Variants in EFR3A observed in about 807,000 individuals in gnomAD.
EFR3A encodes the protein EFR3 homolog A.
Under a neutral mutation model 104.4 loss-of-function variants are expected in EFR3A, and 76 were observed. The ratio of observed to expected loss-of-function variants is 0.73; its 90% confidence interval spans 0.60 to 0.88. The LOEUF is 0.88. Ranked by LOEUF, EFR3A falls within the 40% of genes least tolerant of loss-of-function variation. The pLI, the probability that EFR3A is intolerant of heterozygous loss-of-function variation, is 0.00. For missense variants in EFR3A, 985 were observed against 1,012.5 expected (o/e 0.97, Z 0.37); for synonymous variants, 330 against 330.0 (o/e 1.00, Z 0.00).
Position 131,952,545 on chromosome 8 carries a change from C to G in EFR3A, c.489-1273C>G, listed in dbSNP as rs571577156. Among the ~76,000 whole-genome samples the G allele has an allele frequency of 5.9e-5, 9 of 152,242 alleles. No homozygotes were observed. The East Asian group carries it at 1.5e-3, about 26-fold the overall frequency. ...GTTTCATCTTGTTTGTTAATGTGCT[C>G]CATGCCACCTTGTGCTTGGCCTTCT... On this transcript the variant is annotated intron_variant, in intron 5 of 22. Coordinates refer to ENST00000254624, the MANE Select transcript of EFR3A (RefSeq NM_015137.6).
rs538383947 is a variant in EFR3A at position 131,963,714 on chromosome 8, CATT to C, written c.855+4052_855+4054del. On this transcript the variant is annotated intron_variant, in intron 8 of 22. Coordinates refer to ENST00000254624, the MANE Select transcript of EFR3A (RefSeq NM_015137.6). The stretch of plus-strand genomic sequence containing the variant: ...GAAAAAGAGGGAATCCTCCCTAACT[CATT>C]TTATGAGGCCAGCATCATCCTGATA... Among the ~76,000 whole-genome samples, 1,036 of 152,302 alleles carry C rather than the reference CATT, an allele frequency of 6.8e-3. 4 individuals are homozygous for C. The highest frequency in any genetic ancestry group is 0.027 in the Middle Eastern group (8 of 294).
At chr8:131,939,637 TTTGAA>T (rs1181253026) in intron 1 of EFR3A, among the ~76,000 whole-genome samples, 1 of 152,118 alleles carries the variant, frequency 6.6e-6, no homozygotes, top group Non-Finnish European at 1.5e-5. Flanking sequence ...ATGCTAACAA[TTTGAA>T]TTTACTATAT....
intron 22 of EFR3A, among the ~76,000 whole-genome samples, chr8:132,010,444 A>G (rs1178273767): frequency 7.7e-6 from 1 of 129,722 alleles, no homozygotes; most frequent in Non-Finnish European, 1.6e-5. Context: ...ATATATATAT[A>G]TATATAATGA....
intron 19 of EFR3A, among the ~76,000 whole-genome samples, chr8:131,999,291 C>T (rs1193945719): frequency 6.6e-6 from 1 of 152,068 alleles, no homozygotes; most frequent in Non-Finnish European, 1.5e-5. Context: ...TCCCCAAATG[C>T]AACTGGAGAA....
At chr8:131,929,226 C>T (rs1817460121) in intron 1 of EFR3A, among the ~76,000 whole-genome samples, 4 of 152,170 alleles carry the variant, frequency 2.6e-5, no homozygotes, top group African/African-American at 9.7e-5. Context: ...GTCAGTGACA[C>T]TAGCATCCAA....
At chr8:131,927,657 G>A (rs1288585954) in intron 1 of EFR3A, among the ~76,000 whole-genome samples, 1 of 152,016 alleles carries the variant, frequency 6.6e-6, no homozygotes, top group South Asian at 2.1e-4. Context: ...TTTAGCAAGA[G>A]CTTTTTTTAG....
At chr8:131,971,124 T>C (rs1820030803) in intron 10 of EFR3A, among the ~76,000 whole-genome samples, 1 of 152,210 alleles carries the variant, frequency 6.6e-6, no homozygotes, top group Non-Finnish European at 1.5e-5. Context: ...CAGAGTAAAA[T>C]TGTCAACATC....
At position 131,952,455 on chromosome 8, in the gene EFR3A, T is replaced by G. The variant is rs567361279; in HGVS notation, c.489-1363T>G. ...TACCACCAACACTGCCCTTTAACCT[T>G]GAGCAAGGGCACCGCTATCTGCTGC... On this transcript the variant is annotated intron_variant, in intron 5 of 22. Coordinates refer to ENST00000254624, the MANE Select transcript of EFR3A (RefSeq NM_015137.6). Among the ~76,000 whole-genome samples the G allele has an allele frequency of 3.9e-5, 6 of 152,210 alleles. No homozygotes were observed. The East Asian group carries it at 1.2e-3, about 29-fold the overall frequency.
chr8:131,925,944 T>C (rs1204265971), intron 1 of EFR3A, among the ~76,000 whole-genome samples: 1 of 152,168 alleles, frequency 6.6e-6, no homozygotes, highest in Non-Finnish European at 1.5e-5. Context: ...GCTAGATTAT[T>C]TTATTTTAAT....
chr8:131,917,695 C>G (rs904128904), intron 1 of EFR3A, among the ~76,000 whole-genome samples: 1 of 152,104 alleles, frequency 6.6e-6, no homozygotes. Context: ...TTTATAGTTG[C>G]AGTAATAAAA....
intron 1 of EFR3A, among the ~76,000 whole-genome samples, chr8:131,919,473 C>G (rs1412203411): frequency 6.6e-6 from 1 of 151,570 alleles, no homozygotes; most frequent in Non-Finnish European, 1.5e-5. Context: ...GGCGGGCGCC[C>G]ACTACTCAGC....
At chr8:131,969,175 G>A (rs1431744443) in intron 9 of EFR3A, among the ~76,000 whole-genome samples, 2 of 152,046 alleles carry the variant, frequency 1.3e-5, no homozygotes, top group East Asian at 1.9e-4. Context: ...CAAAAATTAC[G>A]ATATTTTACT....
chr8:131,949,106 TACTA>T (rs1246046176), intron 4 of EFR3A, among the ~76,000 whole-genome samples: 8 of 151,988 alleles, frequency 5.3e-5, no homozygotes, highest in South Asian at 4.1e-4. Flanking sequence ...GAAAGAAAAA[TACTA>T]AATAATATCA....
At chr8:131,908,445 C>T (rs1229760974) in intron 1 of EFR3A, among the ~76,000 whole-genome samples, 1 of 152,136 alleles carries the variant, frequency 6.6e-6, no homozygotes, top group Non-Finnish European at 1.5e-5. Flanking sequence ...TTACTGATTA[C>T]TTTATGAAGA....
At chr8:132,001,928 T>G in intron 20 of EFR3A, 121 bp downstream of exon 20, 1 of 808,364 alleles carries the variant, frequency 1.2e-6, no homozygotes, top group East Asian at 2.5e-5. Flanking sequence ...ACTTGTTGGC[T>G]TCTATAGACA....
chr8:131,971,464 G>A (rs893505217), intron 10 of EFR3A, among the ~76,000 whole-genome samples: 5 of 152,058 alleles, frequency 3.3e-5, no homozygotes, highest in Non-Finnish European at 7.4e-5. Flanking sequence ...TGAGGCGGGC[G>A]GATCACGAGG....
At chr8:131,913,529 A>G (rs1006814593) in intron 1 of EFR3A, among the ~76,000 whole-genome samples, 11 of 151,642 alleles carry the variant, frequency 7.3e-5, no homozygotes, top group Non-Finnish European at 2.9e-5. Flanking sequence ...GCATTAAGCC[A>G]TTTGCTTTAC....
At position 131,970,579 on chromosome 8, in the gene EFR3A, C is replaced by T. The variant is rs1384150032; in HGVS notation, c.1095C>T (p.Asn365=). The T allele has an allele frequency of 1.2e-6, 2 of 1,613,810 alleles. No individual in the cohort carries two copies. The highest frequency in any genetic ancestry group is 1.7e-5 in the Admixed American group (1 of 60,026). ...DLQGGSVGSV[N]LNTSSKDNDE... is the part of the protein sequence containing the mutation. ...AGGGGGGATCTGTAGGCAGTGTCAA[C>T]TTAAATACAAGTTCCAAAGACAATG... is the stretch of plus-strand genomic sequence containing the variant. The change falls in exon 10 of 23, where the codon AAC becomes AAT. Residue 365 remains asparagine, a synonymous_variant. Coordinates refer to ENST00000254624, the MANE Select transcript of EFR3A (RefSeq NM_015137.6).
intron 14 of EFR3A, among the ~76,000 whole-genome samples, chr8:131,983,168 A>C (rs1757497495): frequency 6.6e-6 from 1 of 152,228 alleles, no homozygotes; most frequent in African/African-American, 2.4e-5. Flanking sequence ...CCTTCTGAGA[A>C]ACAGGCTTGG....
Sources: allele counts gnomAD v4.1 joint callset (sites outside exome capture counted in the v4.1 genomes callset), GRCh38; gene constraint gnomAD v4.1.1; transcripts MANE v1.5; gene names NCBI Gene and HGNC (gene_info 2026-07-23, HGNC 2026-07-21).